ETV6: variants seen among roughly 807,000 people sequenced by gnomAD.
ETV6 encodes ETS variant transcription factor 6.
In ETV6, 16 loss-of-function variants were observed where a neutral mutation model predicts 51.1. The observed-to-expected ratio is 0.31, with a 90% CI of 0.21 to 0.48. ETV6 has a LOEUF of 0.48. ETV6 is among the 20% of genes least tolerant of loss of function. The pLI, the probability that ETV6 is intolerant of heterozygous loss-of-function variation, is 0.99. For missense variants in ETV6, 458 were observed against 594.8 expected, an observed-to-expected ratio of 0.77 and a Z score of 2.39; for synonymous variants, 240 against 224.1, an observed-to-expected ratio of 1.07 and a Z score of -0.64.
At chr12:11,760,908 G>A (rs61921813) in intron 2 of ETV6, among the ~76,000 whole-genome samples, 89,065 of 150,186 alleles carry the variant, frequency 0.59, 27,622 homozygotes, top group Admixed American at 0.74. Context: ...GTGTGTGTGT[G>A]TATATAAAAG....
At chr12:11,799,490 A>C (rs762721) in intron 2 of ETV6, among the ~76,000 whole-genome samples, 80,074 of 152,020 alleles carry the variant, frequency 0.53, 21,232 homozygotes, top group Non-Finnish European at 0.57. Context: ...TCCCAACTTA[A>C]GTATGAAAGA....
intron 1 of ETV6, among the ~76,000 whole-genome samples, chr12:11,695,369 AG>A (rs1319042474): frequency 6.6e-6 from 1 of 152,244 alleles, no homozygotes; most frequent in African/African-American, 2.4e-5. Flanking sequence ...GCTGTTAGGA[AG>A]GGAATTCTTT....
chr12:11,708,711 C>A (rs1280339422), intron 1 of ETV6, among the ~76,000 whole-genome samples: 1 of 152,208 alleles, frequency 6.6e-6, no homozygotes, highest in Non-Finnish European at 1.5e-5. Flanking sequence ...CTGTTAGTGA[C>A]TTCCAGAAAG....
At chr12:11,766,295 A>G (rs1945160045) in intron 2 of ETV6, among the ~76,000 whole-genome samples, 1 of 152,220 alleles carries the variant, frequency 6.6e-6, no homozygotes, top group African/African-American at 2.4e-5. Context: ...CTGTGTGGGC[A>G]GACAGAGCTT....
intron 1 of ETV6, among the ~76,000 whole-genome samples, chr12:11,736,500 C>T (rs1416605763): frequency 6.6e-6 from 1 of 152,178 alleles, no homozygotes; most frequent in Non-Finnish European, 1.5e-5. Context: ...ATACTGTTAT[C>T]TATAACTGGT....
Position 11,892,417 on chromosome 12 carries a change from G to C in ETV6, c.*1371G>C, listed in dbSNP as rs939972598. ...GTGTCTCAGAAAGGACCCATTTGTG[G>C]CTCTTTTTCACCTCAAAATAAGATC... is the stretch of plus-strand genomic sequence containing the variant. On this transcript the variant is annotated 3_prime_UTR_variant, in exon 8 of 8. Transcript: ENST00000396373. 1.3e-4 allele frequency: 31 copies of C among 232,234 alleles called. No homozygotes were observed. Among genetic ancestry groups the C allele is most frequent in the African/African-American group, 6.9e-4 (31 of 45,018 alleles). 14.4% of individuals were successfully genotyped at this position (232,234 alleles called of 1,614,324 possible). A position where few individuals can be genotyped will look rare whatever the true frequency, so the allele number is the denominator to read the frequency against.
chr12:11,805,467 T>G (rs576209972), intron 2 of ETV6, among the ~76,000 whole-genome samples: 2 of 152,248 alleles, frequency 1.3e-5, no homozygotes, highest in African/African-American at 4.8e-5. Flanking sequence ...TAGTTACATG[T>G]GGAGGTAAAA....
intron 2 of ETV6, among the ~76,000 whole-genome samples, chr12:11,820,650 G>C (rs371551873): frequency 2.6e-5 from 4 of 152,230 alleles, no homozygotes; most frequent in East Asian, 3.9e-4. Context: ...AGAGGTCAGC[G>C]TGGCTGGAGC....
rs541014046 is a variant in ETV6, at chr12:11,686,525, C to T, written c.33+36365C>T. On this transcript the variant is annotated intron_variant, in intron 1 of 7. Transcript: ENST00000396373. ...GTACAGAGATGCATACAGCAACTTACACTGTCATGACTTTTTTTTTGAGAT... is the reference window on the plus strand; with the variant it reads ...GTACAGAGATGCATACAGCAACTTATACTGTCATGACTTTTTTTTTGAGAT... Among the ~76,000 whole-genome samples, 96 of 152,302 alleles carry T rather than the reference C, an allele frequency of 6.3e-4. 1 individual carries two copies. The South Asian group carries it at 0.018, about 29-fold the overall frequency.
intron 2 of ETV6, among the ~76,000 whole-genome samples, chr12:11,797,141 A>G (rs1193698254): frequency 6.6e-6 from 1 of 152,184 alleles, no homozygotes; most frequent in Non-Finnish European, 1.5e-5. Flanking sequence ...GATGTCCCTA[A>G]CAGATCTAAT....
intron 1 of ETV6, among the ~76,000 whole-genome samples, chr12:11,719,525 C>T (rs901712831): frequency 2.6e-5 from 4 of 152,182 alleles, no homozygotes; most frequent in African/African-American, 9.7e-5. Flanking sequence ...CCAGGGATGG[C>T]AAGGAAGGAC....
At chr12:11,833,122 G>A (rs1007697157) in intron 2 of ETV6, among the ~76,000 whole-genome samples, 2 of 152,202 alleles carry the variant, frequency 1.3e-5, no homozygotes, top group Non-Finnish European at 2.9e-5. Context: ...AGCTATATAT[G>A]TTCAGGTAGG....
chr12:11,818,544 A>AG lies in ETV6; in HGVS notation c.164-20596_164-20595insG, dbSNP rs1591695698. On this transcript the variant is annotated intron_variant, in intron 2 of 7. Coordinates refer to ENST00000396373, the MANE Select transcript of ETV6 (RefSeq NM_001987.5). ...GAGACTCTGTCTCAAAAAAAAAAAA[A>AG]AAAAAGCAATGGGAATGGTTCTTAA... Among the ~76,000 whole-genome samples, 2 of 151,892 alleles carry AG rather than the reference A, an allele frequency of 1.3e-5. 1 individual carries two copies. Among genetic ancestry groups the AG allele is most frequent in the East Asian group, 3.9e-4 (2 of 5,184 alleles).
chr12:11,666,526 AG>A (rs1326684523), intron 1 of ETV6, among the ~76,000 whole-genome samples: 1 of 152,228 alleles, frequency 6.6e-6, no homozygotes, highest in Non-Finnish European at 1.5e-5. Flanking sequence ...AGAGTGTGTT[AG>A]GGTTATGAAT....
intron 4 of ETV6, among the ~76,000 whole-genome samples, chr12:11,865,217 C>T (rs936772720): frequency 1.2e-4 from 18 of 147,126 alleles, no homozygotes; most frequent in Middle Eastern, 3.6e-3. Context: ...CGCCACTGCA[C>T]TCCAGCCTGG....
intron 2 of ETV6, among the ~76,000 whole-genome samples, chr12:11,783,043 C>G (rs1379136900): frequency 6.6e-6 from 1 of 152,142 alleles, no homozygotes; most frequent in Non-Finnish European, 1.5e-5. Flanking sequence ...AAAATAAGTA[C>G]AAGCCAAAGC....
At chr12:11,885,756 G>A (rs1177995685) in intron 6 of ETV6, among the ~76,000 whole-genome samples, 170 bp from the exon 7 acceptor site, 2 of 152,212 alleles carry the variant, frequency 1.3e-5, no homozygotes, top group East Asian at 3.8e-4. Flanking sequence ...TAAAGGGTGG[G>A]GACAGATGTG....
chr12:11,834,831 A>G (rs1030079347), intron 2 of ETV6, among the ~76,000 whole-genome samples: 4 of 152,318 alleles, frequency 2.6e-5, no homozygotes, highest in African/African-American at 9.6e-5. Flanking sequence ...CATATTGACT[A>G]CATGAAACCC....
chr12:11,895,205 C>G lies in ETV6; in HGVS notation c.*4159C>G. ...AACGACTCTAGAATTTCCTTCCCCG[C>G]CCCCCTTTTTGTTTAGTTTCTAATC... On this transcript the variant is annotated 3_prime_UTR_variant, in exon 8 of 8. Coordinates refer to ENST00000396373, the MANE Select transcript of ETV6 (RefSeq NM_001987.5). The G allele has an allele frequency of 4.3e-6, 1 of 232,584 alleles. No homozygotes were observed. The highest frequency in any genetic ancestry group is 6.1e-5 in the East Asian group (1 of 16,476). The allele number at this position is 232,584 out of a possible 1,614,324, so 14.4% of individuals were successfully genotyped here. A position where few individuals can be genotyped will look rare whatever the true frequency, so the allele number is the denominator to read the frequency against.
Sources: allele counts gnomAD v4.1 joint callset (sites outside exome capture counted in the v4.1 genomes callset), GRCh38; gene constraint gnomAD v4.1.1; transcripts MANE v1.5; gene names NCBI Gene and HGNC (gene_info 2026-07-23, HGNC 2026-07-21).